Variants in PAGR1 observed in about 807,000 individuals in gnomAD.
The protein encoded by PAGR1 is PAXIP1 associated glutamate rich protein 1, also known as PAXIP1-associated glutamate-rich protein 1.
In PAGR1, 20 loss-of-function variants were observed where a neutral mutation model predicts 22.4. The ratio of observed to expected loss-of-function variants is 0.89; its 90% CI spans 0.63 to 1.30. PAGR1 has a LOEUF of 1.30. Among genes scored for constraint, PAGR1 ranks in the 50% most tolerant of loss-of-function variants. The pLI is 0.00. For synonymous variants in PAGR1, 161 were observed against 148.3 expected, an observed-to-expected ratio of 1.09 and a Z score of -0.62; for missense variants, 338 against 343.6, an observed-to-expected ratio of 0.98 and a Z score of 0.13.
chr16:29,818,946 CAA>C (rs1900302727), intron 2 of PAGR1, among the ~76,000 whole-genome samples: 1 of 152,124 alleles, frequency 6.6e-6, no homozygotes, highest in Admixed American at 6.6e-5. Flanking sequence ...AAGGAGAATC[CAA>C]GCGCTTTTCC....
rs1323661289 is a variant in PAGR1, at chr16:29,819,678, C to T, written c.689C>T (p.Ser230Leu). Reference sequence around the variant, plus strand: ...GGGAGGGACCTCTTCAGCCTGGACTCGGAGGACCCCAGCCCCGCCAGCCCC... The same window carrying T: ...GGGAGGGACCTCTTCAGCCTGGACTTGGAGGACCCCAGCCCCGCCAGCCCC... ...RTGRDLFSLD[S>L]EDPSPASPPL... The change falls in exon 3 of 3, where the codon TCG becomes TTG. Residue 230 changes from serine to leucine, a missense_variant. Ser to Leu is a moderately radical substitution (Grantham distance 145). Coordinates refer to ENST00000320330, the MANE Select transcript of PAGR1 (RefSeq NM_024516.4). 1.6e-5 allele frequency: 26 copies of T among 1,613,770 alleles called. No homozygotes were observed. Among genetic ancestry groups the T allele is most frequent in the Non-Finnish European group, 2.0e-5 (24 of 1,180,040 alleles).
At position 29,820,431 on chromosome 16, in the gene PAGR1, C is replaced by A. The variant is rs1900345679; in HGVS notation, c.*677C>A. ...CCACCCCTGGGCTTGGCCTGCCTTGCCCTGCCGGGAAGTGATCCCCAAGGC... is the reference window on the plus strand; with the variant it reads ...CCACCCCTGGGCTTGGCCTGCCTTGACCTGCCGGGAAGTGATCCCCAAGGC... On this transcript the variant is annotated 3_prime_UTR_variant, in exon 3 of 3. Transcript: ENST00000320330. The A allele has an allele frequency of 6.6e-6, 1 of 152,234 alleles. No individual in the cohort carries two copies. The highest frequency in any genetic ancestry group is 2.4e-5 in the African/African-American group (1 of 41,426). 9.4% of individuals were successfully genotyped at this position (152,234 alleles called of 1,614,324 possible). A position where few individuals can be genotyped will look rare whatever the true frequency, so the allele number is the denominator to read the frequency against.
In PAGR1 at chr16:29,816,475, T is replaced by C; in HGVS notation, c.-51T>C. 7.1e-7 allele frequency: 1 copy of C among 1,418,068 alleles called. No individual in the cohort carries two copies. Among genetic ancestry groups the C allele is most frequent in the Non-Finnish European group, 9.2e-7 (1 of 1,082,490 alleles). The allele number at this position is 1,418,068 out of a possible 1,614,324, so 87.8% of individuals were successfully genotyped here. On this transcript the variant is annotated 5_prime_UTR_variant, in exon 1 of 3. Coordinates refer to ENST00000320330, the MANE Select transcript of PAGR1 (RefSeq NM_024516.4). ...GGGGAGCCCGATCCCTGGGGGACCC[T>C]GGCTTCGGACTCCAGTATCTGTCGT...
rs1900248926 is a variant in PAGR1, at chr16:29,816,461, T to A, written c.-65T>A. 7.2e-7 allele frequency: 1 copy of A among 1,381,142 alleles called. No individual in the cohort carries two copies. The highest frequency in any genetic ancestry group is 1.9e-5 in the South Asian group (1 of 52,110). The allele number at this position is 1,381,142 out of a possible 1,614,324, so 85.6% of individuals were successfully genotyped here. A position where few individuals can be genotyped will look rare whatever the true frequency, so the allele number is the denominator to read the frequency against. On this transcript the variant is annotated 5_prime_UTR_variant, in exon 1 of 3. Coordinates refer to ENST00000320330, the MANE Select transcript of PAGR1 (RefSeq NM_024516.4). ...GTCCCGAACCCCCAGGGGAGCCCGA[T>A]CCCTGGGGGACCCTGGCTTCGGACT...
At position 29,822,205 on chromosome 16, in the gene PAGR1, G is replaced by C. The variant is rs771878611; in HGVS notation, c.*2451G>C. Among the ~76,000 whole-genome samples the C allele has an allele frequency of 1.3e-5, 2 of 151,652 alleles. No homozygotes were observed. Among genetic ancestry groups the C allele is most frequent in the East Asian group, 1.9e-4 (1 of 5,184 alleles). On this transcript the variant is annotated 3_prime_UTR_variant, in exon 3 of 3. Transcript: ENST00000320330. Reference sequence around the variant, plus strand: ...TCCTGGGGTCGCTTCTGATCTAGGCGGTTCTTGCCTCTGGTGACTGGTGTT... The same window carrying C: ...TCCTGGGGTCGCTTCTGATCTAGGCCGTTCTTGCCTCTGGTGACTGGTGTT...
At position 29,817,190 on chromosome 16, in the gene PAGR1, A is replaced by G. The variant is rs1217906876; in HGVS notation, c.483-20A>G. 1.2e-6 allele frequency: 2 copies of G among 1,613,908 alleles called. No individual in the cohort carries two copies. Among genetic ancestry groups the G allele is most frequent in the Non-Finnish European group, 1.7e-6 (2 of 1,179,954 alleles). ...GGAGGGAGGACCGCCCTCACCCTTAACTATGTTCACCTGTCCCAGACCACA... is the reference window on the plus strand; with the variant it reads ...GGAGGGAGGACCGCCCTCACCCTTAGCTATGTTCACCTGTCCCAGACCACA... On this transcript the variant is annotated intron_variant, in intron 1 of 2. Transcript: ENST00000320330.
In PAGR1 at chr16:29,817,225, G is replaced by A. The variant is rs754901170; in HGVS notation, c.498G>A (p.Thr166=). The change falls in exon 2 of 3, where the codon ACG becomes ACA. Residue 166 remains threonine (T), a synonymous_variant. Transcript: ENST00000320330. The stretch of plus-strand genomic sequence containing the variant: ...CCTGTCCCAGACCACACATGCCCAC[G>A]GAATTTGATTTTGATGATGAGCCAG... ...EEEEEKPHMP[T]EFDFDDEPVT... The A allele has an allele frequency of 1.1e-5, 17 of 1,613,946 alleles. No individual in the cohort carries two copies. Among genetic ancestry groups the A allele is most frequent in the African/African-American group, 1.3e-5 (1 of 74,888 alleles).
chr16:29,818,945 C>T (rs1900302523), intron 2 of PAGR1, among the ~76,000 whole-genome samples: 1 of 152,128 alleles, frequency 6.6e-6, no homozygotes, highest in South Asian at 2.1e-4. Flanking sequence ...AAAGGAGAAT[C>T]CAAGCGCTTT....
Position 29,819,659 on chromosome 16 carries a change from G to A in PAGR1, c.670G>A (p.Asp224Asn). 1 of 1,614,042 alleles carries A rather than the reference G, an allele frequency of 6.2e-7. No individual in the cohort carries two copies. Among genetic ancestry groups the A allele is most frequent in the Non-Finnish European group, 8.5e-7 (1 of 1,180,022 alleles). The change falls in exon 3 of 3, where the codon GAC becomes AAC. Residue 224 changes from aspartate to asparagine, a missense_variant. Asp to Asn is a conservative substitution (Grantham distance 23). Coordinates refer to ENST00000320330, the MANE Select transcript of PAGR1 (RefSeq NM_024516.4). ...LEEQILRTGR[D>N]LFSLDSEDPS... The stretch of plus-strand genomic sequence containing the variant: ...GGAGCAGATCCTTCGTACCGGGAGG[G>A]ACCTCTTCAGCCTGGACTCGGAGGA...
In PAGR1 at chr16:29,816,755, A is replaced by G; in HGVS notation, c.230A>G (p.Glu77Gly). The stretch of plus-strand genomic sequence containing the variant: ...GGAGAAGTCCCCAGCGCTGGGGGAG[A>G]AGAGCCTGCCGAGGAGGACTCCGAG... ...AQGEVPSAGG[E>G]EPAEEDSEDW... The change falls in exon 1 of 3, where the codon GAA becomes GGA. Residue 77 changes from glutamate to glycine, a missense_variant. Transcript: ENST00000320330. 1 of 1,593,460 alleles carries G rather than the reference A, an allele frequency of 6.3e-7. No individual in the cohort carries two copies. Among genetic ancestry groups the G allele is most frequent in the Non-Finnish European group, 8.5e-7 (1 of 1,170,742 alleles).
chr16:29,819,416 C>G, intron 2 of PAGR1, 139 bp from the exon 3 acceptor site: 2 of 817,016 alleles, frequency 2.4e-6, no homozygotes, highest in East Asian at 4.9e-5. Context: ...GAGGTCCAAC[C>G]CTGAACCTCA....
At chr16:29,817,031 G>A (rs1900265049) in intron 1 of PAGR1, 24 bp downstream of exon 1, 2 of 1,555,300 alleles carry the variant, frequency 1.3e-6, no homozygotes, top group Admixed American at 1.9e-5. Flanking sequence ...CTTACACCTT[G>A]TCCCGGGGCT....
In PAGR1 at chr16:29,819,705, C is replaced by T. The variant is rs142285591; in HGVS notation, c.716C>T (p.Pro239Leu). Residue 239 changes from proline (P) to leucine (L), a missense_variant, in exon 3 of 3, where the codon CCA becomes CTA. This residue lies in a region of PAGR1 where 52 missense variants were observed against 44.5 expected (regional missense o/e 1.17). Coordinates refer to ENST00000320330, the MANE Select transcript of PAGR1 (RefSeq NM_024516.4). The part of the protein sequence containing the change: ...DSEDPSPASP[P>L]LRSSGSSLFP... ...GAGGACCCCAGCCCCGCCAGCCCCCCACTCCGATCCTCCGGGAGTAGTCTC... is the reference window on the plus strand; with the variant it reads ...GAGGACCCCAGCCCCGCCAGCCCCCTACTCCGATCCTCCGGGAGTAGTCTC... 6.2e-6 allele frequency: 10 copies of T among 1,613,690 alleles called. No individual in the cohort carries two copies. The highest frequency in any genetic ancestry group is 1.1e-5 in the South Asian group (1 of 91,082).
chr16:29,816,617 T>C lies in PAGR1; in HGVS notation c.92T>C (p.Leu31Pro), dbSNP rs1337516373. The change falls in exon 1 of 3, where the codon CTG (leucine) becomes CCG (proline). Residue 31 changes from leucine (L) to proline (P), a missense_variant. Transcript: ENST00000320330. ...EGEVTSGLQA[L>P]AVEDTGGPSA... The stretch of plus-strand genomic sequence containing the variant: ...GAAGTGACCTCCGGCCTCCAGGCTC[T>C]GGCCGTGGAGGATACCGGAGGCCCC... The C allele has an allele frequency of 2.7e-6, 4 of 1,479,368 alleles. No individual in the cohort carries two copies. The highest frequency in any genetic ancestry group is 4.7e-5 in the Admixed American group (2 of 42,358). 91.6% of individuals were successfully genotyped at this position (1,479,368 alleles called of 1,614,324 possible).
chr16:29,816,643 T>C lies in PAGR1; in HGVS notation c.118T>C (p.Ser40Pro). ...ALAVEDTGGP[S>P]ASAGKAEDEG... ...GGCCGTGGAGGATACCGGAGGCCCC[T>C]CTGCCTCGGCCGGTAAGGCCGAGGA... The change falls in exon 1 of 3, where the codon TCT becomes CCT. Residue 40 changes from serine to proline, a missense_variant. Ser to Pro is a moderately conservative substitution (Grantham distance 74, BLOSUM62 -1). Transcript: ENST00000320330. The C allele has an allele frequency of 6.5e-7, 1 of 1,544,756 alleles. No individual in the cohort carries two copies. The highest frequency in any genetic ancestry group is 1.2e-5 in the South Asian group (1 of 83,642).
In PAGR1 at chr16:29,816,575, C is replaced by G; in HGVS notation, c.50C>G (p.Pro17Arg). 2.6e-6 allele frequency: 4 copies of G among 1,513,286 alleles called. No homozygotes were observed. Among genetic ancestry groups the G allele is most frequent in the Non-Finnish European group, 3.5e-6 (4 of 1,133,574 alleles). 93.7% of individuals were successfully genotyped at this position (1,513,286 alleles called of 1,614,324 possible). ...HGDTAASTAA[P>R]LSEEGEVTSG... ...GACACTGCGGCCAGTACGGCGGCGC[C>G]TCTGTCTGAAGAAGGGGAAGTGACC... The change falls in exon 1 of 3, where the codon CCT becomes CGT. Residue 17 changes from proline to arginine, a missense_variant. Physicochemically the swap from Pro to Arg is moderately radical, Grantham distance 103. This residue lies in a region of PAGR1 where 235 missense variants were observed against 216.0 expected (regional missense o/e 1.09). Coordinates refer to ENST00000320330, the MANE Select transcript of PAGR1 (RefSeq NM_024516.4).
At chr16:29,818,544 C>T (rs1447838226) in intron 2 of PAGR1, 2 of 152,182 alleles carry the variant, frequency 1.3e-5, no homozygotes, top group African/African-American at 4.8e-5. Flanking sequence ...TTCAGATGAA[C>T]CTTTTAAAAC....
Position 29,821,320 on chromosome 16 carries a change from C to G in PAGR1, c.*1566C>G, listed in dbSNP as rs775322581. 1 of 152,358 alleles carries G rather than the reference C, an allele frequency of 6.6e-6. No individual in the cohort carries two copies. Among genetic ancestry groups the G allele is most frequent in the Admixed American group, 6.5e-5 (1 of 15,278 alleles). 9.4% of individuals were successfully genotyped at this position (152,358 alleles called of 1,614,324 possible). ...GGCTCTGCCAGAAACTCCCTTGGCA[C>G]ACAGAGCACTGGGTCGGCCCTCGGG... On this transcript the variant is annotated 3_prime_UTR_variant, in exon 3 of 3. Coordinates refer to ENST00000320330, the MANE Select transcript of PAGR1 (RefSeq NM_024516.4).
At chr16:29,817,329 G>A in intron 2 of PAGR1, 37 bp downstream of exon 2, 1 of 1,605,240 alleles carries the variant, frequency 6.2e-7, no homozygotes, top group African/African-American at 1.3e-5. Flanking sequence ...GGAGGTGAAG[G>A]GCCTCGGCTC....
Sources: gnomAD v4.1 joint callset for allele counts (sites outside exome capture counted in the v4.1 genomes callset) on GRCh38, gnomAD v4.1.1 for gene constraint, gnomAD v4.1.1 regional missense constraint, MANE v1.5 for transcripts, NCBI Gene and HGNC (gene_info 2026-07-23, HGNC 2026-07-21) for gene names.